Variants in KDM3A observed in about 807,000 individuals in gnomAD.
The protein encoded by KDM3A is lysine-specific demethylase 3A.
In KDM3A, 60 loss-of-function variants were observed where a neutral mutation model predicts 158.0. The ratio of observed to expected loss-of-function variants is 0.38; its 90% CI spans 0.31 to 0.47. The LOEUF (loss-of-function observed/expected upper bound fraction) is 0.47, where lower values mean the gene tolerates loss of function less well. KDM3A is among the 20% of genes least tolerant of loss of function. KDM3A has a pLI of 0.99. For missense variants in KDM3A, 1,319 were observed against 1,574.3 expected (o/e 0.84, Z 2.74); for synonymous variants, 608 against 549.3 (o/e 1.11, Z -1.49).
rs781722463 is a variant in KDM3A, at chr2:86,442,202, C to A, written c.155C>A (p.Ser52Tyr). ...PWLSGTIRAV[S>Y]HTDVTKKDLK... ...CTCTCCGGGACCATTCGAGCTGTTT[C>A]CCACACCGACGTTACCAAGAAGGAT... The change falls in exon 2 of 26, where the codon TCC (serine) becomes TAC (tyrosine). Residue 52 changes from serine (S) to tyrosine (Y), a missense_variant. By Grantham distance (144) the Ser-to-Tyr change is moderately radical. Around this residue, in one of 4 missense-constraint regions of KDM3A, gnomAD observed 652 missense variants for 627.2 expected, o/e 1.04. Coordinates refer to ENST00000312912, the MANE Select transcript of KDM3A (RefSeq NM_018433.6). 1 of 1,611,896 alleles carries A rather than the reference C, an allele frequency of 6.2e-7. No homozygotes were observed. The highest frequency in any genetic ancestry group is 8.5e-7 in the Non-Finnish European group (1 of 1,178,816).
At chr2:86,468,040 C>T (rs997744983) in intron 10 of KDM3A, among the ~76,000 whole-genome samples, 5 of 152,146 alleles carry the variant, frequency 3.3e-5, no homozygotes, top group Middle Eastern at 3.4e-3. Context: ...AACAAACAAA[C>T]GAAAACAACC....
intron 3 of KDM3A, among the ~76,000 whole-genome samples, chr2:86,450,502 A>G (rs1477508726): frequency 6.6e-6 from 1 of 152,200 alleles, no homozygotes; most frequent in Non-Finnish European, 1.5e-5. Context: ...AAGTCAGTAT[A>G]TGATTGTGCT....
intron 16 of KDM3A, among the ~76,000 whole-genome samples, chr2:86,481,331 T>C (rs2104698717): frequency 6.6e-6 from 1 of 152,198 alleles, no homozygotes; most frequent in East Asian, 1.9e-4. Flanking sequence ...ACTGCAACAC[T>C]GCACTCTGCC....
chr2:86,490,787 C>A, intron 23 of KDM3A, 94 bp from the exon 24 acceptor site: 1 of 862,304 alleles, frequency 1.2e-6, no homozygotes, highest in Non-Finnish European at 1.8e-6. Flanking sequence ...GAAGGCCTGA[C>A]ATTTATGAAC....
chr2:86,463,062 G>T (rs1672989809), intron 8 of KDM3A, among the ~76,000 whole-genome samples: 2 of 152,136 alleles, frequency 1.3e-5, no homozygotes, highest in Non-Finnish European at 1.5e-5. Context: ...CTGCACTCTA[G>T]CCTGGGTGAT....
intron 12 of KDM3A, among the ~76,000 whole-genome samples, chr2:86,476,627 A>T (rs2104688326): frequency 6.6e-6 from 1 of 152,330 alleles, no homozygotes; most frequent in South Asian, 2.1e-4. Context: ...AGTGACAAAT[A>T]ATCATTAAAC....
chr2:86,490,631 A>G (rs1372431973), intron 23 of KDM3A: 7 of 361,556 alleles, frequency 1.9e-5, no homozygotes, highest in Non-Finnish European at 5.0e-6. Flanking sequence ...GTTTAAATAC[A>G]GTATTTACAA....
intron 8 of KDM3A, among the ~76,000 whole-genome samples, chr2:86,459,905 A>G (rs1672858261): frequency 6.6e-6 from 1 of 152,164 alleles, no homozygotes; most frequent in Non-Finnish European, 1.5e-5. Context: ...ATCTAATATG[A>G]TAAACTAAAT....
intron 9 of KDM3A, among the ~76,000 whole-genome samples, chr2:86,465,936 C>CAAA (rs1276403334): frequency 6.6e-5 from 4 of 60,616 alleles, no homozygotes; most frequent in African/African-American, 2.6e-4. Context: ...GAAATTTACA[C>CAAA]ACAAAAAAAA....
chr2:86,478,804 A>G, intron 15 of KDM3A, 69 bp downstream of exon 15: 2 of 1,509,626 alleles, frequency 1.3e-6, no homozygotes. Context: ...AAATAACCCA[A>G]GGATTTCTAT....
intron 16 of KDM3A, among the ~76,000 whole-genome samples, chr2:86,480,777 T>C (rs1013950386): frequency 3.9e-5 from 6 of 152,140 alleles, no homozygotes; most frequent in Non-Finnish European, 7.4e-5. Context: ...AAGATGACTG[T>C]TGTAGAAAAA....
intron 15 of KDM3A, chr2:86,479,941 G>C (rs761592382): frequency 1.6e-4 from 90 of 553,214 alleles, no homozygotes; most frequent in Middle Eastern, 1.4e-3. Flanking sequence ...AAGGGTGCGG[G>C]GGGTAATACC....
intron 8 of KDM3A, among the ~76,000 whole-genome samples, chr2:86,459,821 T>C (rs1165874186): frequency 6.6e-6 from 1 of 152,190 alleles, no homozygotes; most frequent in Non-Finnish European, 1.5e-5. Flanking sequence ...ATTGAGCTGA[T>C]TGTTGGGCAC....
chr2:86,443,506 T>C (rs1682828141), intron 2 of KDM3A: 1 of 152,266 alleles, frequency 6.6e-6, no homozygotes, highest in African/African-American at 2.4e-5. Flanking sequence ...AACTATGATC[T>C]CGTTTAATCC....
At chr2:86,446,564 C>T (rs1394793277) in intron 2 of KDM3A, among the ~76,000 whole-genome samples, 2 of 152,052 alleles carry the variant, frequency 1.3e-5, no homozygotes, top group Non-Finnish European at 2.9e-5. Flanking sequence ...CAAAAATTAG[C>T]CAGGTGTGGG....
At chr2:86,491,540 G>C in intron 25 of KDM3A, 1 of 454,228 alleles carries the variant, frequency 2.2e-6, no homozygotes, top group South Asian at 2.9e-5. Context: ...AAAATGAATA[G>C]ATGTGACTTC....
At chr2:86,483,234 CTG>C (rs1674025448) in intron 18 of KDM3A, 1 of 152,744 alleles carries the variant, frequency 6.5e-6, no homozygotes, top group East Asian at 1.9e-4. Context: ...TGTTTTGGTT[CTG>C]TTTTCTGGAT....
chr2:86,482,636 A>G lies in KDM3A; in HGVS notation c.2864A>G (p.Gln955Arg). Residue 955 changes from glutamine to arginine, a missense_variant, in exon 18 of 26, where the codon CAA becomes CGA. Coordinates refer to ENST00000312912, the MANE Select transcript of KDM3A (RefSeq NM_018433.6). ...WLCDNRLLCL[Q>R]DPNNKSNWNV... Reference sequence around the variant, plus strand: ...TGTGATAATCGCTTGCTGTGCTTGCAAGACCCCAACAATAAGAGCAACTGG... The same window carrying G: ...TGTGATAATCGCTTGCTGTGCTTGCGAGACCCCAACAATAAGAGCAACTGG... 1.2e-6 allele frequency: 2 copies of G among 1,614,136 alleles called. No individual in the cohort carries two copies. The highest frequency in any genetic ancestry group is 1.7e-6 in the Non-Finnish European group (2 of 1,180,018).
At chr2:86,469,515 A>C (rs1183422081) in intron 10 of KDM3A, among the ~76,000 whole-genome samples, 1 of 152,218 alleles carries the variant, frequency 6.6e-6, no homozygotes, top group African/African-American at 2.4e-5. Flanking sequence ...TTTAGAAACC[A>C]TGTTAACATT....
Sources: gnomAD v4.1 joint callset for allele counts (sites outside exome capture counted in the v4.1 genomes callset) on GRCh38, gnomAD v4.1.1 for gene constraint, gnomAD v4.1.1 regional missense constraint, MANE v1.5 for transcripts, NCBI Gene and HGNC (gene_info 2026-07-23, HGNC 2026-07-21) for gene names.